The following LARGE1 variants were observed in gnomAD, a reference collection of about 807,000 sequenced individuals.
The protein encoded by LARGE1 is xylosyl- and glucuronyltransferase LARGE1.
LARGE1 carries 43 observed loss-of-function variants against 87.6 expected under a neutral mutation model. That is an observed-to-expected ratio of 0.49 (90% CI 0.38 to 0.63). LARGE1 has a LOEUF of 0.63. Ranked by LOEUF, LARGE1 falls within the 30% of genes least tolerant of loss-of-function variation. The pLI, the probability that LARGE1 is intolerant of heterozygous loss-of-function variation, is 0.00. For synonymous variants in LARGE1, 434 were observed against 394.6 expected (o/e 1.10, Z -1.18); for missense variants, 802 against 1,000.2 (o/e 0.80, Z 2.67).
chr22:33,087,557 G>C, the LARGE1 span, among the ~76,000 whole-genome samples: 3 of 152,206 alleles, frequency 2.0e-5, no homozygotes, highest in Non-Finnish European at 2.9e-5. Flanking sequence ...AAGTGAGGTA[G>C]AGTTCAATCA....
intron 2 of LARGE1, chr22:33,733,503 A>G (rs2083542271): frequency 6.6e-6 from 1 of 152,228 alleles, no homozygotes; most frequent in South Asian, 2.1e-4. Context: ...ACTGCCTGCC[A>G]AAGAGACTCA....
chr22:33,101,573 G>A, the LARGE1 span, among the ~76,000 whole-genome samples: 2 of 152,202 alleles, frequency 1.3e-5, no homozygotes, highest in African/African-American at 4.8e-5. Flanking sequence ...AGGATTCCCA[G>A]ATGTCTGGCA....
At chr22:33,301,733 C>T (rs1353433258) in intron 12 of LARGE1, among the ~76,000 whole-genome samples, 1 of 152,140 alleles carries the variant, frequency 6.6e-6, no homozygotes, top group Non-Finnish European at 1.5e-5. Flanking sequence ...AACCACATAC[C>T]TTCCTGTGAT....
chr22:33,194,949 G>A (rs991669749), intron 11 of LARGE1, among the ~76,000 whole-genome samples: 13 of 152,086 alleles, frequency 8.5e-5, no homozygotes, highest in East Asian at 3.9e-4. Context: ...TCATTGCTCC[G>A]ATATTTTAAC....
the LARGE1 span, among the ~76,000 whole-genome samples, chr22:33,118,698 C>A: frequency 6.6e-6 from 1 of 152,068 alleles, no homozygotes; most frequent in Non-Finnish European, 1.5e-5. Flanking sequence ...TCATAAGAAA[C>A]AGGTCTAATC....
chr22:33,089,371 C>T, the LARGE1 span, among the ~76,000 whole-genome samples: 18,990 of 75,584 alleles, frequency 0.25, 1,757 homozygotes, highest in Admixed American at 0.29. Context: ...TTCTTCTTCT[C>T]CTTCTTCTTC....
the LARGE1 span, among the ~76,000 whole-genome samples, chr22:33,133,826 A>C: frequency 1.5e-5 from 2 of 132,304 alleles, no homozygotes; most frequent in African/African-American, 5.4e-5. Context: ...TTTTTCCACA[A>C]CCTCTCTCTC....
At chr22:33,831,300 T>A (rs1388961997) in intron 1 of LARGE1, among the ~76,000 whole-genome samples, 1 of 151,894 alleles carries the variant, frequency 6.6e-6, no homozygotes, top group South Asian at 2.1e-4. Flanking sequence ...AAAAAAGGAG[T>A]GTCAAGGAAA....
chr22:33,303,718 T>C (rs1348382525), intron 12 of LARGE1, among the ~76,000 whole-genome samples: 1 of 151,688 alleles, frequency 6.6e-6, no homozygotes, highest in East Asian at 1.9e-4. Flanking sequence ...GACTCCCTGG[T>C]TCAAGAGATT....
chr22:33,742,045 A>T (rs1485323713), intron 2 of LARGE1, among the ~76,000 whole-genome samples: 2 of 152,202 alleles, frequency 1.3e-5, no homozygotes, highest in South Asian at 2.1e-4. Context: ...CAGTTTGCTC[A>T]TATGTAAGAT....
intron 11 of LARGE1, among the ~76,000 whole-genome samples, chr22:33,245,759 A>G (rs1056297756): frequency 1.3e-5 from 2 of 152,074 alleles, no homozygotes; most frequent in African/African-American, 4.8e-5. Flanking sequence ...AAATACAAAA[A>G]TTAGCCAGGC....
intron 2 of LARGE1, among the ~76,000 whole-genome samples, chr22:33,676,866 G>C (rs1046246923): frequency 6.6e-6 from 1 of 152,186 alleles, no homozygotes; most frequent in Non-Finnish European, 1.5e-5. Flanking sequence ...CTGCAGGCCA[G>C]AATTTGGCAA....
chr22:33,638,665 T>G (rs1187097045), intron 3 of LARGE1, among the ~76,000 whole-genome samples: 1 of 152,250 alleles, frequency 6.6e-6, no homozygotes, highest in African/African-American at 2.4e-5. Flanking sequence ...TCTGGCTGTG[T>G]GACCTTGAAA....
chr22:33,342,869 G>T (rs959443800), intron 9 of LARGE1, among the ~76,000 whole-genome samples: 2 of 152,178 alleles, frequency 1.3e-5, no homozygotes, highest in Non-Finnish European at 2.9e-5. Flanking sequence ...CCTCTGATCG[G>T]CAAGCCCATC....
intron 10 of LARGE1, among the ~76,000 whole-genome samples, chr22:33,317,012 G>A (rs539929099): frequency 3.7e-4 from 56 of 152,202 alleles, no homozygotes; most frequent in African/African-American, 1.2e-3. Context: ...TCAGGAGTTC[G>A]AGACCACCCT....
rs1208134874 is a variant in LARGE1, at chr22:33,280,399, CTGGTGGTCTTGCTCTCAG to C, written c.1877+2785_1877+2802del. Among the ~76,000 whole-genome samples, 8 of 151,504 alleles carry C rather than the reference CTGGTGGTCTTGCTCTCAG, an allele frequency of 5.3e-5. No individual in the cohort carries two copies. In the East Asian group the frequency reaches 1.6e-3, roughly 29 times the overall value. On this transcript the variant is annotated intron_variant, in intron 13 of 14. Transcript: ENST00000397394. Reference sequence around the variant, plus strand: ...TGCTTCCCAGATATGATGTCAATTCCTGGTGGTCTTGCTCTCAGTGATATTGACAGCCATGTTATTGGT... The same window carrying C: ...TGCTTCCCAGATATGATGTCAATTCCTGATATTGACAGCCATGTTATTGGT...
the LARGE1 span, among the ~76,000 whole-genome samples, chr22:33,138,414 C>T: frequency 6.4e-3 from 974 of 151,934 alleles, 10 homozygotes; most frequent in African/African-American, 0.022. Flanking sequence ...TGCCTTGTCT[C>T]GGATGAGACT....
downstream of LARGE1, among the ~76,000 whole-genome samples, chr22:33,158,749 C>G (rs1921938990): frequency 6.6e-6 from 1 of 152,152 alleles, no homozygotes; most frequent in Non-Finnish European, 1.5e-5. Context: ...ATCATCAAAA[C>G]TATCCTGAGA....
At chr22:33,729,113 T>C (rs1476938853) in intron 2 of LARGE1, among the ~76,000 whole-genome samples, 4 of 152,214 alleles carry the variant, frequency 2.6e-5, no homozygotes, top group Non-Finnish European at 4.4e-5. Flanking sequence ...GAATTCTTGT[T>C]TCATTTATAA....
Sources: allele counts gnomAD v4.1 joint callset (sites outside exome capture counted in the v4.1 genomes callset), GRCh38; gene constraint gnomAD v4.1.1; transcripts MANE v1.5; gene names NCBI Gene and HGNC (gene_info 2026-07-23, HGNC 2026-07-21).